TOX2: variants seen among roughly 807,000 people sequenced by gnomAD.
TOX2 encodes granulosa cell HMG box 1.
TOX2 carries 15 observed loss-of-function variants against 47.4 expected under a neutral mutation model. The observed-to-expected ratio is 0.32, with a 90% CI of 0.21 to 0.49. The LOEUF is 0.49. TOX2 is among the 20% of genes least tolerant of loss of function. The pLI, the probability that TOX2 is intolerant of heterozygous loss-of-function variation, is 0.99. For missense variants in TOX2, 622 were observed against 673.1 expected (o/e 0.92, Z 0.84); for synonymous variants, 290 against 296.6 (o/e 0.98, Z 0.23).
At chr20:43,918,648 G>C (rs982258652) in intron 1 of TOX2, among the ~76,000 whole-genome samples, 1 of 152,122 alleles carries the variant, frequency 6.6e-6, no homozygotes, top group African/African-American at 2.4e-5. Flanking sequence ...ATTCATCCAC[G>C]ATGTTGTATA....
At chr20:43,979,093 G>A (rs142442970) in intron 2 of TOX2, among the ~76,000 whole-genome samples, 17 of 152,248 alleles carry the variant, frequency 1.1e-4, no homozygotes, top group African/African-American at 3.9e-4. Context: ...TTCTGAGTTG[G>A]GGAAACCCTG....
chr20:43,966,931 G>C (rs1219430755), intron 1 of TOX2, among the ~76,000 whole-genome samples: 1 of 139,580 alleles, frequency 7.2e-6, no homozygotes, highest in Non-Finnish European at 1.5e-5. Flanking sequence ...TGATAGCCAA[G>C]GTGTACGATG....
At chr20:43,990,080 G>A (rs1415966392) in intron 2 of TOX2, among the ~76,000 whole-genome samples, 1 of 152,118 alleles carries the variant, frequency 6.6e-6, no homozygotes, top group African/African-American at 2.4e-5. Context: ...CCATCTCTGT[G>A]GCTCCTCTGT....
chr20:43,993,339 C>T (rs2070405203), intron 2 of TOX2, among the ~76,000 whole-genome samples: 1 of 152,160 alleles, frequency 6.6e-6, no homozygotes, highest in South Asian at 2.1e-4. Flanking sequence ...GTGATTACAG[C>T]AGTCCTTGTG....
At chr20:43,970,977 G>GC (rs2069954671) in intron 1 of TOX2, among the ~76,000 whole-genome samples, 1 of 152,216 alleles carries the variant, frequency 6.6e-6, no homozygotes, top group African/African-American at 2.4e-5. Context: ...TGGGGTCAGT[G>GC]CCCAAACTCT....
At chr20:44,017,347 G>T (rs757728911) in intron 3 of TOX2, among the ~76,000 whole-genome samples, 10 of 152,196 alleles carry the variant, frequency 6.6e-5, no homozygotes, top group Non-Finnish European at 1.3e-4. Context: ...GGTGCTCACC[G>T]TCTAGGAGTG....
At chr20:44,044,907 A>G (rs909344440) in intron 3 of TOX2, among the ~76,000 whole-genome samples, 1 of 152,218 alleles carries the variant, frequency 6.6e-6, no homozygotes, top group Non-Finnish European at 1.5e-5. Flanking sequence ...TGTAGTCTAT[A>G]CATACAAGGG....
chr20:43,987,922 T>G (rs1030866353), intron 2 of TOX2, among the ~76,000 whole-genome samples: 2 of 141,270 alleles, frequency 1.4e-5, no homozygotes, highest in African/African-American at 5.3e-5. Context: ...CTTTTTTTTT[T>G]TTTTTTTTTT....
At chr20:43,984,876 G>A (rs62206200) in intron 2 of TOX2, among the ~76,000 whole-genome samples, 5 of 152,112 alleles carry the variant, frequency 3.3e-5, no homozygotes, top group Non-Finnish European at 7.3e-5. Flanking sequence ...TGATTTCAAG[G>A]ATTTTCTTAA....
chr20:43,985,710 A>G (rs1349319969), intron 2 of TOX2, among the ~76,000 whole-genome samples: 1 of 152,166 alleles, frequency 6.6e-6, no homozygotes, highest in Non-Finnish European at 1.5e-5. Flanking sequence ...CTCAGCCCCA[A>G]GTAGAGGCCC....
intron 2 of TOX2, among the ~76,000 whole-genome samples, chr20:43,976,603 CAT>C (rs755465964): frequency 1.3e-5 from 2 of 152,218 alleles, no homozygotes; most frequent in Non-Finnish European, 2.9e-5. Context: ...ATGTAGGAAA[CAT>C]ATGGGATATG....
At chr20:43,970,836 A>T (rs1249024582) in intron 1 of TOX2, among the ~76,000 whole-genome samples, 2 of 152,160 alleles carry the variant, frequency 1.3e-5, no homozygotes, top group Non-Finnish European at 2.9e-5. Context: ...ACAAATGTGG[A>T]GACAGTCTAT....
chr20:43,914,883 G>A lies in TOX2; in HGVS notation c.-9G>A. On this transcript the variant is annotated 5_prime_UTR_variant, in exon 1 of 9. Coordinates refer to ENST00000341197, the MANE Select transcript of TOX2 (RefSeq NM_001098797.2). The surrounding 1 kb of genome is among the most constrained non-coding windows in gnomAD (Gnocchi z 4.5). Reference sequence around the variant, plus strand: ...CGCGGGAGCCGCCGCCGCCGCCGCCGCGCCCGCCATGGACGTCCGCCTGTA... The same window carrying A: ...CGCGGGAGCCGCCGCCGCCGCCGCCACGCCCGCCATGGACGTCCGCCTGTA... 8.8e-6 allele frequency: 9 copies of A among 1,017,108 alleles called. No individual in the cohort carries two copies. The highest frequency in any genetic ancestry group is 9.4e-6 in the Non-Finnish European group (8 of 852,916). The allele number at this position is 1,017,108 out of a possible 1,614,324, so 63.0% of individuals were successfully genotyped here.
At chr20:43,954,564 T>C (rs935101113) in intron 1 of TOX2, among the ~76,000 whole-genome samples, 7 of 152,198 alleles carry the variant, frequency 4.6e-5, no homozygotes, top group African/African-American at 1.7e-4. Context: ...GGGTCCTGTG[T>C]GCAGAGGGAG....
rs148620648 is a variant in TOX2, at chr20:43,972,909, C to T, written c.100-458C>T. ...CAAAACCACTCAGGATGGCAGGACC[C>T]GGAGGGCATGTCTGGGGAAGGCTGT... On this transcript the variant is annotated intron_variant, in intron 1 of 8. Transcript: ENST00000341197. Among the ~76,000 whole-genome samples the T allele has an allele frequency of 5.8e-4, 89 of 152,310 alleles. No homozygotes were observed. The East Asian group carries it at 0.011, about 19-fold the overall frequency.
chr20:44,066,907 G>A (rs2071834112), intron 8 of TOX2, 50 bp downstream of exon 8: 2 of 1,577,720 alleles, frequency 1.3e-6, no homozygotes, highest in Admixed American at 3.4e-5. Flanking sequence ...GGGAGAGTGG[G>A]AACAGGATGG....
intron 1 of TOX2, among the ~76,000 whole-genome samples, chr20:43,926,212 A>G (rs1242475985): frequency 6.6e-6 from 1 of 152,014 alleles, no homozygotes; most frequent in East Asian, 1.9e-4. Context: ...TGGGCCCTTT[A>G]TGTCTCATTT....
chr20:43,940,055 G>A (rs1190884888), intron 1 of TOX2, among the ~76,000 whole-genome samples: 1 of 152,184 alleles, frequency 6.6e-6, no homozygotes, highest in African/African-American at 2.4e-5. Context: ...GGGGCTTGGG[G>A]TACTGCAGGC....
At chr20:43,955,031 A>G (rs11086914) in intron 1 of TOX2, 22,918 of 158,892 alleles carry the variant, frequency 0.14, 2,379 homozygotes, top group African/African-American at 0.29. Flanking sequence ...CTGCAAACTC[A>G]TTTGGCCCCC....
Sources: allele counts gnomAD v4.1 joint callset (sites outside exome capture counted in the v4.1 genomes callset), GRCh38; gene constraint gnomAD v4.1.1; non-coding constraint Gnocchi (gnomAD v3.1); transcripts MANE v1.5; gene names NCBI Gene and HGNC (gene_info 2026-07-23, HGNC 2026-07-21).